The following GLRA3 variants were observed in gnomAD, a reference collection of about 807,000 sequenced individuals.
GLRA3 encodes the protein glycine receptor subunit alpha-3.
Under a neutral mutation model 60.4 loss-of-function variants are expected in GLRA3, and 44 were observed. That is an observed-to-expected ratio of 0.73 (90% confidence interval 0.57 to 0.94). The LOEUF (loss-of-function observed/expected upper bound fraction) is 0.94. Ranked by LOEUF, GLRA3 falls within the 40% of genes least tolerant of loss-of-function variation. The pLI is 0.00. For synonymous variants in GLRA3, 223 were observed against 192.9 expected (o/e 1.16, Z -1.29); for missense variants, 508 against 564.6 (o/e 0.90, Z 1.02).
chr4:174,732,475 C>T (rs1698085092), intron 3 of GLRA3, among the ~76,000 whole-genome samples: 1 of 151,540 alleles, frequency 6.6e-6, no homozygotes, highest in Non-Finnish European at 1.5e-5. Flanking sequence ...GCTTGTGCAA[C>T]AGAAGACATA....
rs144992391 is a variant in GLRA3 at position 174,673,462 on chromosome 4, T to A, written c.927+3616A>T. Among the ~76,000 whole-genome samples the A allele has an allele frequency of 8.5e-5, 13 of 152,248 alleles. No individual in the cohort carries two copies. In the East Asian group the frequency reaches 1.7e-3, roughly 20 times the overall value. On this transcript the variant is annotated intron_variant, in intron 7 of 9. Transcript: ENST00000274093. ...GATTTTCCATATCTAAAAAAAAGAT[T>A]ACAGAATGCTGAGATCTCAAAGAGT...
At chr4:174,684,610 G>T (rs1361805284) in intron 5 of GLRA3, among the ~76,000 whole-genome samples, 1 of 152,210 alleles carries the variant, frequency 6.6e-6, no homozygotes, top group African/African-American at 2.4e-5. Flanking sequence ...GACCTGTGAG[G>T]CAGAATTGTT....
intron 6 of GLRA3, among the ~76,000 whole-genome samples, chr4:174,678,462 T>C (rs964351300): frequency 5.9e-5 from 9 of 152,236 alleles, no homozygotes; most frequent in Non-Finnish European, 1.3e-4. Flanking sequence ...CTGTTACTTA[T>C]GATGAAAGAA....
chr4:174,782,295 T>G (rs1738914009), intron 2 of GLRA3, among the ~76,000 whole-genome samples: 1 of 151,748 alleles, frequency 6.6e-6, no homozygotes, highest in Non-Finnish European at 1.5e-5. Context: ...TCTCTATAAA[T>G]TAGGTATTCA....
chr4:174,796,156 T>C (rs1272695329), intron 1 of GLRA3, among the ~76,000 whole-genome samples: 2 of 152,062 alleles, frequency 1.3e-5, no homozygotes, highest in Non-Finnish European at 2.9e-5. Flanking sequence ...TTAGTGCCTT[T>C]ATGAAAGAGG....
chr4:174,796,089 G>A (rs1739552695), intron 1 of GLRA3, among the ~76,000 whole-genome samples: 1 of 152,144 alleles, frequency 6.6e-6, no homozygotes, highest in Admixed American at 6.6e-5. Context: ...CTAAGTTGAT[G>A]GTAATAGGAG....
At chr4:174,813,419 A>T (rs1466678028) in intron 1 of GLRA3, among the ~76,000 whole-genome samples, 1 of 152,144 alleles carries the variant, frequency 6.6e-6, no homozygotes, top group African/African-American at 2.4e-5. Flanking sequence ...AGCAATAGAA[A>T]TGTCTGCTGC....
rs781691443 is a variant in GLRA3, at chr4:174,808,146, A to G, written c.72-19203T>C. 3.9e-5 allele frequency among the ~76,000 whole-genome samples: 6 copies of G among 152,132 alleles called. No homozygotes were observed. In the South Asian group the frequency reaches 8.3e-4, roughly 21 times the overall value. ...GGAGGAAGAAAATAAATATTTGAAA[A>G]AGCACTTAAAGCCAGAAGAAAACAA... On this transcript the variant is annotated intron_variant, in intron 1 of 9. Transcript: ENST00000274093.
At chr4:174,644,655 T>C (rs935477927) in intron 9 of GLRA3, among the ~76,000 whole-genome samples, 6 of 152,220 alleles carry the variant, frequency 3.9e-5, no homozygotes, top group Non-Finnish European at 8.8e-5. Flanking sequence ...GGCCATGTAT[T>C]CTAGTTTATA....
At chr4:174,716,189 G>A (rs1735911034) in intron 4 of GLRA3, among the ~76,000 whole-genome samples, 1 of 152,146 alleles carries the variant, frequency 6.6e-6, no homozygotes, top group African/African-American at 2.4e-5. Context: ...GACTTGAAAA[G>A]TTCGGCCTCA....
At position 174,820,894 on chromosome 4, in the gene GLRA3, G is replaced by T. The variant is rs555505477; in HGVS notation, c.71+7847C>A. On this transcript the variant is annotated intron_variant, in intron 1 of 9. Transcript: ENST00000274093. ...ATTTTACTTGTTGCCACAGTTAGCT[G>T]ACAATCATTTTTTTTTTAAATTTCA... 5.4e-3 allele frequency among the ~76,000 whole-genome samples: 808 copies of T among 148,446 alleles called. 5 individuals carry two copies. Among genetic ancestry groups the T allele is most frequent in the African/African-American group, 0.019 (772 of 41,136 alleles).
intron 1 of GLRA3, among the ~76,000 whole-genome samples, chr4:174,815,894 T>C (rs114371309): frequency 0.013 from 1,967 of 152,340 alleles, 33 homozygotes; most frequent in African/African-American, 0.045. Context: ...CCATTACTTA[T>C]GTAAATTTCT....
chr4:174,706,851 T>C (rs941658710), intron 5 of GLRA3, among the ~76,000 whole-genome samples: 1 of 152,160 alleles, frequency 6.6e-6, no homozygotes, highest in Non-Finnish European at 1.5e-5. Context: ...CTGTGAATTT[T>C]AAAGGAGCGT....
chr4:174,786,195 C>G (rs1026302162), intron 2 of GLRA3, among the ~76,000 whole-genome samples: 3 of 151,972 alleles, frequency 2.0e-5, no homozygotes, highest in Admixed American at 2.0e-4. Flanking sequence ...ATACATAACA[C>G]CAATTTTAAA....
chr4:174,746,616 A>T (rs1737260116), intron 3 of GLRA3, among the ~76,000 whole-genome samples: 1 of 152,184 alleles, frequency 6.6e-6, no homozygotes, highest in South Asian at 2.1e-4. Context: ...CTTAGCAACA[A>T]TATCATGTAT....
At position 174,705,258 on chromosome 4, in the gene GLRA3, C is replaced by T. The variant is rs753712204; in HGVS notation, c.574+10230G>A. On this transcript the variant is annotated intron_variant, in intron 5 of 9. Coordinates refer to ENST00000274093, the MANE Select transcript of GLRA3 (RefSeq NM_006529.4). ...GGGTGGTTTCAGCCCCTTTTTGTGC[C>T]GGGCCCTTCTGTCTTCTGTGGGGTG... Among the ~76,000 whole-genome samples, 2 of 143,004 alleles carry T rather than the reference C, an allele frequency of 1.4e-5. 1 individual carries two copies. The highest frequency in any genetic ancestry group is 5.0e-5 in the African/African-American group (2 of 39,608). The allele number at this position is 143,004 out of a possible 152,430, so 93.8% of individuals were successfully genotyped here. A position where few individuals can be genotyped will look rare whatever the true frequency, so the allele number is the denominator to read the frequency against.
intron 3 of GLRA3, among the ~76,000 whole-genome samples, chr4:174,740,573 A>C (rs990273958): frequency 6.6e-6 from 1 of 152,238 alleles, no homozygotes; most frequent in African/African-American, 2.4e-5. Flanking sequence ...TACATGTGAG[A>C]CCTAATAAAA....
intron 1 of GLRA3, among the ~76,000 whole-genome samples, chr4:174,819,786 CTTA>C (rs1740663238): frequency 6.6e-6 from 1 of 152,144 alleles, no homozygotes; most frequent in African/African-American, 2.4e-5. Flanking sequence ...GAATTGGAAA[CTTA>C]TTAGAGATTC....
chr4:174,645,847 C>T (rs947904552), intron 9 of GLRA3, among the ~76,000 whole-genome samples: 1 of 152,050 alleles, frequency 6.6e-6, no homozygotes. Flanking sequence ...TATTATTTGC[C>T]TTAAAGTTTT....
Sources: allele counts gnomAD v4.1 joint callset (sites outside exome capture counted in the v4.1 genomes callset), GRCh38; gene constraint gnomAD v4.1.1; transcripts MANE v1.5; gene names NCBI Gene and HGNC (gene_info 2026-07-23, HGNC 2026-07-21).